Variants in SEMA4D observed in about 807,000 individuals in gnomAD.
The protein encoded by SEMA4D is semaphorin-4D.
In SEMA4D, 22 loss-of-function variants were observed where a neutral mutation model predicts 74.8. The ratio of observed to expected loss-of-function variants is 0.29; its 90% CI spans 0.21 to 0.42. The LOEUF (loss-of-function observed/expected upper bound fraction) is 0.42, where lower values mean the gene tolerates loss of function less well. SEMA4D is among the 10% of genes least tolerant of loss of function. The probability of loss-of-function intolerance (pLI) is 1.00; values close to 1 mark genes in which losing one functional copy is unlikely to be tolerated. For missense variants in SEMA4D, 937 were observed against 1,118.4 expected, an observed-to-expected ratio of 0.84 and a Z score of 2.31; for synonymous variants, 445 against 463.7, an observed-to-expected ratio of 0.96 and a Z score of 0.52.
At chr9:89,398,829 G>T (rs543016790) in intron 5 of SEMA4D, among the ~76,000 whole-genome samples, 1 of 152,180 alleles carries the variant, frequency 6.6e-6, no homozygotes, top group African/African-American at 2.4e-5. Flanking sequence ...ACAGCAGGCC[G>T]AATAAATGGG....
At chr9:89,385,169 C>G (rs1838166423) in intron 13 of SEMA4D, 10 of 900,376 alleles carry the variant, frequency 1.1e-5, no homozygotes, top group Middle Eastern at 5.8e-4. Flanking sequence ...TGCGGCCCTC[C>G]TCTTCCTACC....
At chr9:89,491,430 C>G (rs35342668) in intron 1 of SEMA4D, among the ~76,000 whole-genome samples, 26,062 of 152,176 alleles carry the variant, frequency 0.17, 2,948 homozygotes, top group Non-Finnish European at 0.25. Context: ...ATTAGCCGGG[C>G]ATGGTGGCGT....
At chr9:89,375,706 C>T (rs1835695052), downstream of SEMA4D, among the ~76,000 whole-genome samples, 1 of 152,214 alleles carries the variant, frequency 6.6e-6, no homozygotes, top group Admixed American at 6.5e-5. Flanking sequence ...ACCAGGGCTA[C>T]CACGCACTGC....
chr9:89,493,494 T>G (rs1368402890), intron 1 of SEMA4D, among the ~76,000 whole-genome samples: 4 of 152,098 alleles, frequency 2.6e-5, no homozygotes, highest in African/African-American at 9.7e-5. Flanking sequence ...GCTCCTAAAC[T>G]CACAGTGAGA....
intron 18 of SEMA4D, among the ~76,000 whole-genome samples, chr9:89,362,828 A>G (rs1278736740): frequency 6.6e-6 from 1 of 152,132 alleles, no homozygotes; most frequent in Non-Finnish European, 1.5e-5. Flanking sequence ...AGGTGGTAGC[A>G]CACAGTGATG....
chr9:89,450,658 AGG>A (rs376560712), intron 2 of SEMA4D: 29 of 443,478 alleles, frequency 6.5e-5, no homozygotes, highest in East Asian at 3.1e-4. Context: ...CGAAAAACCC[AGG>A]AAAAAAAAAA....
chr9:89,495,619 T>G (rs148937811), intron 1 of SEMA4D, among the ~76,000 whole-genome samples: 74 of 152,334 alleles, frequency 4.9e-4, no homozygotes, highest in African/African-American at 1.7e-3. Context: ...ATAACTGCCC[T>G]GGTTGGGAAC....
chr9:89,458,146 G>C (rs1025173480), intron 1 of SEMA4D, among the ~76,000 whole-genome samples: 8 of 152,204 alleles, frequency 5.3e-5, no homozygotes, highest in African/African-American at 1.9e-4. Context: ...GCCAGGGCAA[G>C]CCCACCACTC....
Position 89,450,614 on chromosome 9 carries a change from A to G in SEMA4D, c.-244+5274T>C, listed in dbSNP as rs1218907481. On this transcript the variant is annotated intron_variant, in intron 2 of 15. Coordinates refer to ENST00000422704, the MANE Select transcript of SEMA4D (RefSeq NM_001371194.2). ...AGTCTGAGATGAAGGTCCAGGATGC[A>G]GAGCTAAAGACCCTCCTCCAGAGTT... 5 of 810,736 alleles carry G rather than the reference A, an allele frequency of 6.2e-6. No homozygotes were observed. In the African/African-American group the frequency reaches 7.2e-5, roughly 12 times the overall value. The allele number at this position is 810,736 out of a possible 1,614,324, so 50.2% of individuals were successfully genotyped here. A position where few individuals can be genotyped will look rare whatever the true frequency, so the allele number is the denominator to read the frequency against.
At chr9:89,411,123 A>G (rs753752656) in intron 2 of SEMA4D, among the ~76,000 whole-genome samples, 27 of 152,200 alleles carry the variant, frequency 1.8e-4, no homozygotes, top group Non-Finnish European at 3.4e-4. Context: ...AGAGGCTCCA[A>G]TGGGGCGGGG....
In SEMA4D at chr9:89,492,762, C is replaced by G. The variant is rs746202966; in HGVS notation, c.-310+5157G>C. 5.8e-4 allele frequency among the ~76,000 whole-genome samples: 89 copies of G among 152,312 alleles called. No individual in the cohort carries two copies. The Middle Eastern group carries it at 0.014, about 23-fold the overall frequency. On this transcript the variant is annotated intron_variant, in intron 1 of 15. Coordinates refer to ENST00000422704, the MANE Select transcript of SEMA4D (RefSeq NM_001371194.2). The surrounding 1 kb of genome is among the most constrained non-coding windows in gnomAD (Gnocchi z 4.3). ...GTCTTCGCAGAACACCTGCAATCAG[C>G]CTGCCTCCCACCCGAGGAGACTGCC...
chr9:89,369,904 GTGAT>G (rs1834275816), intron 16 of SEMA4D, among the ~76,000 whole-genome samples: 1 of 151,840 alleles, frequency 6.6e-6, no homozygotes, highest in African/African-American at 2.4e-5. Flanking sequence ...ATGTGTGGAT[GTGAT>G]TGGTGTGGTG....
intron 13 of SEMA4D, chr9:89,385,885 C>A (rs1005675781): frequency 2.1e-6 from 2 of 951,490 alleles, no homozygotes; most frequent in Non-Finnish European, 2.5e-6. Context: ...CCCACCCCTG[C>A]CAAGGGCTGC....
At position 89,387,385 on chromosome 9, in the gene SEMA4D, C is replaced by A; in HGVS notation, c.1330+1G>T. The A allele has an allele frequency of 6.2e-7, 1 of 1,607,680 alleles. No individual in the cohort carries two copies. The highest frequency in any genetic ancestry group is 8.5e-7 in the Non-Finnish European group (1 of 1,174,684). On this transcript the variant is annotated splice_donor_variant, in intron 12 of 15. Transcript: ENST00000422704. LOFTEE classifies it high-confidence loss of function. The stretch of plus-strand genomic sequence containing the variant: ...AAGCCTGCCAAGCCCTCGGAACCCA[C>A]CTGTGCTGACAAACATGACATCATA...
rs148143553 is a variant in SEMA4D, at chr9:89,405,710, A to G, written c.-243-11T>C. 4.5e-5 allele frequency: 63 copies of G among 1,405,682 alleles called. 1 individual carries two copies. The East Asian group carries it at 1.6e-3, about 35-fold the overall frequency. 87.1% of individuals were successfully genotyped at this position (1,405,682 alleles called of 1,614,324 possible). On this transcript the variant is annotated splice_polypyrimidine_tract_variant and intron_variant, in intron 2 of 15. Coordinates refer to ENST00000422704, the MANE Select transcript of SEMA4D (RefSeq NM_001371194.2). ...GCCTCAGAAGAAATGCTGGAAGGAC[A>G]TGAGAAAGAAAAGGCAGGACCCATG...
intron 2 of SEMA4D, among the ~76,000 whole-genome samples, chr9:89,411,760 G>C (rs937954431): frequency 2.0e-5 from 3 of 152,232 alleles, no homozygotes; most frequent in Non-Finnish European, 2.9e-5. Flanking sequence ...CCCAAGGACG[G>C]GAAGAGTGAG....
At chr9:89,415,620 CT>C (rs2134052040) in intron 2 of SEMA4D, among the ~76,000 whole-genome samples, 1 of 152,334 alleles carries the variant, frequency 6.6e-6, no homozygotes, top group South Asian at 2.1e-4. Flanking sequence ...TGAGAAGACG[CT>C]GTCTATGAAC....
chr9:89,388,904 C>T lies in SEMA4D; in HGVS notation c.918G>A (p.Val306=). Residue 306 remains valine (V), a synonymous_variant, in exon 10 of 16, where the codon GTG becomes GTA. Coordinates refer to ENST00000422704, the MANE Select transcript of SEMA4D (RefSeq NM_001371194.2). ...GGGTGAAGAGTGCATAGAACACAGG[C>T]ACCTTCAGGCCCGGGGACCTGAGCA... is the stretch of plus-strand genomic sequence containing the variant. The part of the protein sequence containing the change: ...VFVLRSPGLK[V]PVFYALFTPQ... 6.2e-7 allele frequency: 1 copy of T among 1,614,144 alleles called. No individual in the cohort carries two copies. Among genetic ancestry groups the T allele is most frequent in the South Asian group, 1.1e-5 (1 of 91,082 alleles).
intron 1 of SEMA4D, among the ~76,000 whole-genome samples, chr9:89,485,075 T>C (rs541821491): frequency 4.6e-5 from 7 of 152,242 alleles, no homozygotes; most frequent in Admixed American, 1.3e-4. Flanking sequence ...ATAACAAGTA[T>C]TGTTGCAGAA....
Sources: allele counts gnomAD v4.1 joint callset (sites outside exome capture counted in the v4.1 genomes callset), GRCh38; gene constraint gnomAD v4.1.1; non-coding constraint Gnocchi (gnomAD v3.1); transcripts MANE v1.5; gene names NCBI Gene and HGNC (gene_info 2026-07-23, HGNC 2026-07-21).